Variants in ARHGAP32 observed in about 807,000 individuals in gnomAD.
ARHGAP32 encodes the protein rho GTPase-activating protein 32.
In ARHGAP32, 51 loss-of-function variants were observed where a neutral mutation model predicts 186.5. That is an observed-to-expected ratio of 0.27 (90% confidence interval 0.22 to 0.35). ARHGAP32 has a LOEUF of 0.35. Ranked by LOEUF, ARHGAP32 falls within the 10% of genes least tolerant of loss-of-function variation. The probability of loss-of-function intolerance (pLI) is 1.00; values close to 1 mark genes in which losing one functional copy is unlikely to be tolerated. For missense variants in ARHGAP32, 2,186 were observed against 2,623.5 expected (o/e 0.83, Z 3.64); for synonymous variants, 950 against 964.3 (o/e 0.99, Z 0.27).
At chr11:129,066,666 A>T in intron 7 of ARHGAP32, 65 bp downstream of exon 7, 1 of 1,500,148 alleles carries the variant, frequency 6.7e-7, no homozygotes, top group African/African-American at 1.4e-5. Flanking sequence ...TTTAGTATAC[A>T]GACAAAAACT....
intron 6 of ARHGAP32, among the ~76,000 whole-genome samples, chr11:129,082,357 C>G (rs771891769): frequency 2.0e-4 from 31 of 152,102 alleles, no homozygotes; most frequent in Non-Finnish European, 4.4e-4. Context: ...TCAAACTACA[C>G]TATAAGGCCA....
At chr11:129,172,303 G>A (rs1358955228) in intron 1 of ARHGAP32, among the ~76,000 whole-genome samples, 2 of 152,140 alleles carry the variant, frequency 1.3e-5, no homozygotes, top group African/African-American at 4.8e-5. Context: ...TTGGCTGTGG[G>A]TTTGTTATAA....
intron 10 of ARHGAP32, among the ~76,000 whole-genome samples, chr11:129,051,416 T>A (rs1940036455): frequency 6.6e-6 from 1 of 152,354 alleles, no homozygotes; most frequent in African/African-American, 2.4e-5. Context: ...TTTTCTCTTA[T>A]GTTTGTTGGT....
At chr11:129,200,742 G>A (rs1212249503) in intron 1 of ARHGAP32, among the ~76,000 whole-genome samples, 1 of 151,718 alleles carries the variant, frequency 6.6e-6, no homozygotes, top group Non-Finnish European at 1.5e-5. Context: ...GTATAAAATA[G>A]AAACAATGCA....
At chr11:129,181,139 C>T (rs1944045661) in intron 1 of ARHGAP32, among the ~76,000 whole-genome samples, 1 of 152,102 alleles carries the variant, frequency 6.6e-6, no homozygotes, top group Non-Finnish European at 1.5e-5. Context: ...TCTTTCTATT[C>T]TTCCGATCGG....
intron 6 of ARHGAP32, among the ~76,000 whole-genome samples, chr11:129,079,891 G>A (rs2135215131): frequency 6.6e-6 from 1 of 152,156 alleles, no homozygotes; most frequent in East Asian, 1.9e-4. Context: ...ATAAACTTAA[G>A]GTAAAGGGGT....
Position 128,970,390 on chromosome 11 carries a change from A to T in ARHGAP32, c.4823T>A (p.Ile1608Asn), listed in dbSNP as rs1263153720. The T allele has an allele frequency of 3.7e-6, 6 of 1,614,182 alleles. No individual in the cohort carries two copies. Among genetic ancestry groups the T allele is most frequent in the Non-Finnish European group, 4.2e-6 (5 of 1,180,036 alleles). Reference sequence around the variant, plus strand: ...TGTCCGTGAAATGGGAACAGAGCGAATCATGGAAGACGGCGGAGCATGGAG... The same window carrying T: ...TGTCCGTGAAATGGGAACAGAGCGATTCATGGAAGACGGCGGAGCATGGAG... ...QSLHAPPSSM[I>N]RSVPISRTEV... The change falls in exon 23 of 23, where the codon ATT becomes AAT. Residue 1608 changes from isoleucine to asparagine, a missense_variant. By Grantham distance (149) the Ile-to-Asn change is moderately radical. This residue lies in a region of ARHGAP32 where 1,502 missense variants were observed against 1,570.0 expected (regional missense o/e 0.96). Transcript: ENST00000682385. This position sits in a 1 kb window ranked among gnomAD's most constrained non-coding sequence, Gnocchi z 5.8.
chr11:129,001,798 A>C (rs1946365517), intron 11 of ARHGAP32, among the ~76,000 whole-genome samples: 1 of 152,190 alleles, frequency 6.6e-6, no homozygotes, highest in East Asian at 1.9e-4. Context: ...AAGGTGAGAA[A>C]GAGGGGTCTA....
At chr11:129,231,912 C>T (rs1374921979) in intron 1 of ARHGAP32, among the ~76,000 whole-genome samples, 3 of 147,994 alleles carry the variant, frequency 2.0e-5, no homozygotes, top group African/African-American at 7.5e-5. Context: ...GTAGTCCCAA[C>T]TTCTAAGGAG....
intron 1 of ARHGAP32, among the ~76,000 whole-genome samples, chr11:129,170,233 CATATGCAGA>C (rs1391923184): frequency 6.7e-6 from 1 of 148,682 alleles, no homozygotes; most frequent in African/African-American, 2.5e-5. Flanking sequence ...AAACGGGATA[CATATGCAGA>C]ATGCGCAGGT....
intron 1 of ARHGAP32, among the ~76,000 whole-genome samples, chr11:129,211,083 C>CA: frequency 6.6e-6 from 1 of 152,194 alleles, no homozygotes; most frequent in East Asian, 1.9e-4. Flanking sequence ...CTCAAACCTT[C>CA]AATGCATCCC....
chr11:129,172,507 C>T (rs1358285413), intron 1 of ARHGAP32, among the ~76,000 whole-genome samples: 1 of 152,216 alleles, frequency 6.6e-6, no homozygotes, highest in Non-Finnish European at 1.5e-5. Flanking sequence ...CTCAGTGCCA[C>T]ATGGCACTTA....
rs779429737 is a variant in ARHGAP32, at chr11:128,970,877, C to T, written c.4336G>A (p.Ala1446Thr). 1.3e-5 allele frequency: 21 copies of T among 1,614,106 alleles called. No homozygotes were observed. Among genetic ancestry groups the T allele is most frequent in the Non-Finnish European group, 1.4e-5 (17 of 1,180,050 alleles). ...TAATTTGAACTGCTGGTGGCATCTG[C>T]ACTGCTGGAGTGTATGGCAGCAATC... ...KMIAAIHSSS[A>T]DATSSSNYHS... Residue 1446 changes from alanine (A) to threonine (T), a missense_variant, in exon 23 of 23, where the codon GCA becomes ACA. Transcript: ENST00000682385. This position sits in a 1 kb window ranked among gnomAD's most constrained non-coding sequence, Gnocchi z 5.8.
chr11:129,224,360 A>G (rs934835893), intron 1 of ARHGAP32, among the ~76,000 whole-genome samples: 2 of 152,170 alleles, frequency 1.3e-5, no homozygotes, highest in African/African-American at 4.8e-5. Context: ...ACATTTATTG[A>G]GGTTTAAGTA....
At chr11:129,032,800 G>A (rs1028673881) in intron 11 of ARHGAP32, among the ~76,000 whole-genome samples, 8 of 152,158 alleles carry the variant, frequency 5.3e-5, no homozygotes, top group African/African-American at 1.9e-4. Flanking sequence ...TTAATCCAAA[G>A]AAAATATACA....
rs190662954 is a variant in ARHGAP32, at chr11:129,274,745, C to A, written c.-5+4401G>T. Among the ~76,000 whole-genome samples the A allele has an allele frequency of 4.6e-5, 7 of 151,640 alleles. No homozygotes were observed. In the East Asian group the frequency reaches 9.7e-4, roughly 21 times the overall value. On this transcript the variant is annotated intron_variant, in intron 1 of 6. Coordinates refer to the ARHGAP32 transcript ENST00000525234. Reference sequence around the variant, plus strand: ...AAAGTCTCTGGATAGTAAACTAGATCTATTTAGAAAAAAAAAATTAGCTTT... The same window carrying A: ...AAAGTCTCTGGATAGTAAACTAGATATATTTAGAAAAAAAAAATTAGCTTT...
chr11:129,075,602 G>A (rs1941011904), intron 6 of ARHGAP32, among the ~76,000 whole-genome samples: 1 of 146,878 alleles, frequency 6.8e-6, no homozygotes, highest in South Asian at 2.1e-4. Context: ...GATCCAGTAG[G>A]CAGAAAATCA....
chr11:129,219,371 T>A (rs1036368187), intron 1 of ARHGAP32, among the ~76,000 whole-genome samples: 3 of 152,198 alleles, frequency 2.0e-5, no homozygotes, highest in African/African-American at 4.8e-5. Flanking sequence ...ACAAAGCATA[T>A]CTTTTCCTTC....
At chr11:129,086,320 A>G (rs1941392556) in intron 6 of ARHGAP32, among the ~76,000 whole-genome samples, 1 of 152,234 alleles carries the variant, frequency 6.6e-6, no homozygotes, top group African/African-American at 2.4e-5. Context: ...AAAATACAGA[A>G]CTATAAAACT....
Sources: allele counts gnomAD v4.1 joint callset (sites outside exome capture counted in the v4.1 genomes callset), GRCh38; gene constraint gnomAD v4.1.1; regional missense constraint gnomAD v4.1.1; non-coding constraint Gnocchi (gnomAD v3.1); transcripts MANE v1.5; gene names NCBI Gene and HGNC (gene_info 2026-07-23, HGNC 2026-07-21).